BAZ2B: variants seen among roughly 807,000 people sequenced by gnomAD.
The protein encoded by BAZ2B is bromodomain adjacent to zinc finger domain protein 2B.
In BAZ2B, 91 loss-of-function variants were observed where a neutral mutation model predicts 246.0. The ratio of observed to expected loss-of-function variants is 0.37; its 90% CI spans 0.31 to 0.44. BAZ2B has a LOEUF of 0.44. Among genes scored for constraint, BAZ2B ranks in the 20% least tolerant of loss-of-function variants. The pLI, the probability that BAZ2B is intolerant of heterozygous loss-of-function variation, is 1.00. For missense variants in BAZ2B, 2,332 were observed against 2,533.7 expected (o/e 0.92, Z 1.71); for synonymous variants, 855 against 860.0 (o/e 0.99, Z 0.10).
intron 25 of BAZ2B, among the ~76,000 whole-genome samples, chr2:159,378,164 C>G (rs111980269): frequency 6.6e-6 from 1 of 152,182 alleles, no homozygotes; most frequent in African/African-American, 2.4e-5. Context: ...GCTATGGAAA[C>G]AGCTCCACTT....
chr2:159,675,578 A>G, the BAZ2B span, among the ~76,000 whole-genome samples: 1 of 152,186 alleles, frequency 6.6e-6, no homozygotes, highest in Non-Finnish European at 1.5e-5. Flanking sequence ...TTTTTTGGAG[A>G]TAATTAAGGT....
chr2:159,586,776 T>A (rs1361042857), intron 1 of BAZ2B, among the ~76,000 whole-genome samples: 1 of 151,968 alleles, frequency 6.6e-6, no homozygotes, highest in African/African-American at 2.4e-5. Context: ...TTAAAATTAT[T>A]CCATATAGAA....
At chr2:159,625,219 A>G in the BAZ2B span, among the ~76,000 whole-genome samples, 6 of 152,196 alleles carry the variant, frequency 3.9e-5, no homozygotes, top group African/African-American at 1.2e-4. Context: ...GTGCCTGAAA[A>G]TAACAGAGAG....
chr2:159,412,428 T>A lies in BAZ2B; in HGVS notation c.2584A>T (p.Met862Leu). Residue 862 changes from methionine to leucine, a missense_variant, in exon 14 of 37, where the codon ATG becomes TTG. Physicochemically the swap from Met to Leu is conservative, Grantham distance 15 (BLOSUM62 2). Around this residue, in one of 9 missense-constraint regions of BAZ2B, gnomAD observed 651 missense variants for 650.9 expected, o/e 1.00. Coordinates refer to ENST00000392783, the MANE Select transcript of BAZ2B (RefSeq NM_013450.4). ...GGAGGTCGACCTTTCCGACGTCTCATCCTGGATTCCTCTCTTGCTCGTTGT... is the reference window on the plus strand; with the variant it reads ...GGAGGTCGACCTTTCCGACGTCTCAACCTGGATTCCTCTCTTGCTCGTTGT... The part of the protein sequence containing the change: ...DRQRAREESR[M>L]RRRKGRPPNV... 1.2e-6 allele frequency: 2 copies of A among 1,614,188 alleles called. No homozygotes were observed. The highest frequency in any genetic ancestry group is 8.5e-7 in the Non-Finnish European group (1 of 1,180,016).
At chr2:159,447,401 TTG>T (rs564906070) in intron 5 of BAZ2B, among the ~76,000 whole-genome samples, 89 of 152,316 alleles carry the variant, frequency 5.8e-4, no homozygotes, top group Non-Finnish European at 1.1e-3. Context: ...ATGCAAAACT[TTG>T]TGTTTTAATT....
Position 159,389,409 on chromosome 2 carries a change from A to G in BAZ2B, c.3152T>C (p.Leu1051Ser), listed in dbSNP as rs2063057165. The change falls in exon 21 of 37, where the codon TTA (leucine) becomes TCA (serine). Residue 1051 changes from leucine (L) to serine (S), a missense_variant. Coordinates refer to ENST00000392783, the MANE Select transcript of BAZ2B (RefSeq NM_013450.4). ...TAGTTCCTTTGCCATTTCTAATTCT[A>G]ATCTTCGCTGCTCTAGTTTACGCTC... ...NKERKLEQRR[L>S]ELEMAKELKK... 6.2e-7 allele frequency: 1 copy of G among 1,612,278 alleles called. No individual in the cohort carries two copies. Among genetic ancestry groups the G allele is most frequent in the Non-Finnish European group, 8.5e-7 (1 of 1,178,920 alleles).
chr2:159,389,239 TA>T, intron 21 of BAZ2B, 105 bp downstream of exon 21: 1 of 1,208,640 alleles, frequency 8.3e-7, no homozygotes. Flanking sequence ...CTGCTATAGT[TA>T]AAAATGAAAG....
intron 20 of BAZ2B, among the ~76,000 whole-genome samples, chr2:159,393,406 C>T (rs1052283356): frequency 6.6e-6 from 1 of 152,182 alleles, no homozygotes; most frequent in African/African-American, 2.4e-5. Context: ...TGTACATATG[C>T]ACTTATTGGC....
intron 1 of BAZ2B, among the ~76,000 whole-genome samples, chr2:159,606,948 C>A (rs1693649568): frequency 7.8e-6 from 1 of 127,426 alleles, no homozygotes; most frequent in South Asian, 2.3e-4. Context: ...GAGACGGAGT[C>A]TCACTCTGTC....
At chr2:159,670,995 A>G in the BAZ2B span, among the ~76,000 whole-genome samples, 1 of 152,196 alleles carries the variant, frequency 6.6e-6, no homozygotes, top group South Asian at 2.1e-4. Flanking sequence ...GTTGGCCTTC[A>G]AATTATTGTT....
intron 3 of BAZ2B, chr2:159,464,096 C>T (rs1224120632): frequency 1.3e-5 from 2 of 152,132 alleles, no homozygotes; most frequent in Admixed American, 1.3e-4. Flanking sequence ...GTCTACCCAA[C>T]CTTACTTCTC....
At chr2:159,343,812 G>C in intron 31 of BAZ2B, among the ~76,000 whole-genome samples, 1 of 151,524 alleles carries the variant, frequency 6.6e-6, no homozygotes, top group Non-Finnish European at 1.5e-5. Context: ...AGATCACAAG[G>C]TCAGGAGATC....
intron 20 of BAZ2B, among the ~76,000 whole-genome samples, chr2:159,394,882 T>C (rs2063804332): frequency 6.6e-6 from 1 of 152,176 alleles, no homozygotes; most frequent in South Asian, 2.1e-4. Context: ...CAAATTCAGA[T>C]AATCTGGCTA....
chr2:159,578,799 C>A (rs1038022328), intron 1 of BAZ2B, among the ~76,000 whole-genome samples: 1 of 152,118 alleles, frequency 6.6e-6, no homozygotes. Context: ...TACATGGAAA[C>A]CGAACAACCT....
rs548020376 is a variant in BAZ2B at position 159,456,579 on chromosome 2, A to G, written c.146-2778T>C. Among the ~76,000 whole-genome samples the G allele has an allele frequency of 4.7e-4, 72 of 152,294 alleles. 1 individual carries two copies. Among genetic ancestry groups the G allele is most frequent in the African/African-American group, 1.7e-3 (69 of 41,564 alleles). ...GCAAAATGAGCTGTATACATCACAG[A>G]TTCAAATGAAAAAAATATAGATCTG... is the stretch of plus-strand genomic sequence containing the variant. On this transcript the variant is annotated intron_variant, in intron 3 of 36. Coordinates refer to ENST00000392783, the MANE Select transcript of BAZ2B (RefSeq NM_013450.4).
At chr2:159,659,622 T>C in the BAZ2B span, among the ~76,000 whole-genome samples, 1 of 152,210 alleles carries the variant, frequency 6.6e-6, no homozygotes, top group Non-Finnish European at 1.5e-5. Flanking sequence ...ATAGTATCCA[T>C]GACCACTCAA....
At chr2:159,462,467 G>A (rs72947562) in intron 3 of BAZ2B, 13,478 of 1,116,740 alleles carry the variant, frequency 0.012, 126 homozygotes, top group Middle Eastern at 0.016. Context: ...GCGGGTAACC[G>A]GAAGCTGCCG....
intron 2 of BAZ2B, among the ~76,000 whole-genome samples, chr2:159,483,718 T>A (rs1450632798): frequency 6.6e-6 from 1 of 152,050 alleles, no homozygotes; most frequent in Non-Finnish European, 1.5e-5. Context: ...GAGGTGGATA[T>A]TGCAGTGAGC....
At chr2:159,367,837 A>G (rs1479879446) in intron 27 of BAZ2B, among the ~76,000 whole-genome samples, 1 of 152,096 alleles carries the variant, frequency 6.6e-6, no homozygotes, top group Non-Finnish European at 1.5e-5. Context: ...GCAGTGAGCC[A>G]AGATCGCGCC....
Sources: allele counts gnomAD v4.1 joint callset (sites outside exome capture counted in the v4.1 genomes callset), GRCh38; gene constraint gnomAD v4.1.1; regional missense constraint gnomAD v4.1.1; transcripts MANE v1.5; gene names NCBI Gene and HGNC (gene_info 2026-07-23, HGNC 2026-07-21).